LHB: variants seen among roughly 807,000 people sequenced by gnomAD.
LHB encodes the protein lutropin subunit beta.
A neutral mutation model predicts 10.6 loss-of-function variants in LHB; 11 were observed. That is an observed-to-expected ratio of 1.04 (90% CI 0.66 to 1.72). LHB has a LOEUF of 1.72. Among genes scored for constraint, LHB ranks in the 40% most tolerant of loss-of-function variants. The pLI is 0.00. For synonymous variants in LHB, 86 were observed against 83.1 expected (o/e 1.03, Z -0.19); for missense variants, 184 against 197.3 (o/e 0.93, Z 0.41).
At chr19:49,019,154 G>A, upstream of LHB, 1 of 1,407,824 alleles carries the variant, frequency 7.1e-7, no homozygotes, top group Middle Eastern at 2.6e-4. Flanking sequence ...AGCCCTTCCT[G>A]CCACCCACGC....
upstream of LHB, chr19:49,018,260 C>T (rs570556150): frequency 6.1e-6 from 6 of 982,220 alleles, no homozygotes; most frequent in African/African-American, 6.7e-5. Context: ...CCGCTGCGGG[C>T]CGTGGCTCCA....
At position 49,016,625 on chromosome 19, in the gene LHB, G is replaced by A. The variant is rs776412202; in HGVS notation, c.105C>T (p.Ile35=). 3.1e-6 allele frequency: 5 copies of A among 1,611,978 alleles called. No individual in the cohort carries two copies. Among genetic ancestry groups the A allele is most frequent in the Non-Finnish European group, 4.2e-6 (5 of 1,179,780 alleles). Residue 35 remains isoleucine, a synonymous_variant, in exon 2 of 3, where the codon ATC becomes ATT. Coordinates refer to ENST00000649238, the MANE Select transcript of LHB (RefSeq NM_000894.3). ...LRPWCHPINA[I]LAVEKEGCPV... is the part of the protein sequence containing the mutation. ...GGCAGCCCTCCTTCTCGACAGCCAG[G>A]ATGGCATTGATGGGGTGGCACCATG...
chr19:49,017,461 C>G, upstream of LHB: 1 of 1,144,408 alleles, frequency 8.7e-7, no homozygotes, highest in Non-Finnish European at 1.1e-6. Flanking sequence ...AGCCTCAACC[C>G]TCCACTTGAG....
chr19:49,016,911 A>T, intron 1 of LHB, 156 bp downstream of exon 1: 1 of 1,598,550 alleles, frequency 6.3e-7, no homozygotes, highest in South Asian at 1.1e-5. Flanking sequence ...AACATTTCAG[A>T]TCCCCACCCT....
In LHB at chr19:49,016,810, G is replaced by T. The variant is rs777377980; in HGVS notation, c.16-96C>A. ...GGTACACCACCCACAAAGACCCAGA[G>T]ACCCTTCCCGGCATCTCCTATTCAG... On this transcript the variant is annotated intron_variant, in intron 1 of 2. Transcript: ENST00000649238. 234 of 1,595,058 alleles carry T rather than the reference G, an allele frequency of 1.5e-4. 2 individuals are homozygous for T. The Middle Eastern group carries it at 6.1e-3, about 42-fold the overall frequency.
chr19:49,016,750 C>G (rs1429497800), intron 1 of LHB, 36 bp from the exon 2 acceptor site: 3 of 1,606,994 alleles, frequency 1.9e-6, no homozygotes, highest in African/African-American at 1.3e-5. Flanking sequence ...AGGTCTGAGA[C>G]CGCAGCCCCG....
upstream of LHB, chr19:49,019,128 C>A (rs2122685353): frequency 2.1e-6 from 3 of 1,429,582 alleles, no homozygotes; most frequent in Admixed American, 5.6e-5. Context: ...GCCCTCACAC[C>A]CCGCCCCAGG....
chr19:49,016,864 G>A, intron 1 of LHB, 150 bp from the exon 2 acceptor site: 7 of 1,572,984 alleles, frequency 4.5e-6, no homozygotes, highest in Non-Finnish European at 6.0e-6. Flanking sequence ...CTGCCTTTCA[G>A]AGCCCACCCC....
chr19:49,016,369 C>T (rs2039553097), intron 2 of LHB, 59 bp from the exon 3 acceptor site: 1 of 1,603,694 alleles, frequency 6.2e-7, no homozygotes, highest in African/African-American at 1.3e-5. Flanking sequence ...CTCAGCTGAG[C>T]TCCCAAGCTG....
Position 49,016,237 on chromosome 19 carries a change from G to A in LHB, c.257C>T (p.Ser86Phe), listed in dbSNP as rs780038003. Residue 86 changes from serine to phenylalanine, a missense_variant, in exon 3 of 3, where the codon TCC becomes TTC. Coordinates refer to ENST00000649238, the MANE Select transcript of LHB (RefSeq NM_000894.3). The part of the protein sequence containing the change: ...VCTYRDVRFE[S>F]IRLPGCPRGV... ...ACGCGGGCAGCCAGGGAGCCGGATG[G>A]ACTCGAAGCGCACATCACGGTAGGT... 2.5e-6 allele frequency: 4 copies of A among 1,612,344 alleles called. No homozygotes were observed. In the East Asian group the frequency reaches 8.9e-5, roughly 36 times the overall value.
upstream of LHB, chr19:49,019,111 G>A (rs2039598978): frequency 2.1e-6 from 3 of 1,434,840 alleles, no homozygotes; most frequent in Non-Finnish European, 9.1e-7. Context: ...CAGCCATGAC[G>A]GCCACGGCCC....
chr19:49,018,356 G>A, upstream of LHB: 1 of 1,216,856 alleles, frequency 8.2e-7, no homozygotes, highest in Non-Finnish European at 1.0e-6. Flanking sequence ...GGAGCAGGGC[G>A]GGATGGTGAG....
At chr19:49,019,296 C>CTG (rs1199350124), upstream of LHB, 5 of 1,210,712 alleles carry the variant, frequency 4.1e-6, no homozygotes, top group South Asian at 2.3e-5. Flanking sequence ...CCTGGTTCCG[C>CTG]TCTGTCTTAA....
upstream of LHB, chr19:49,019,273 CA>C: frequency 1.2e-5 from 15 of 1,265,340 alleles, no homozygotes; most frequent in South Asian, 6.7e-5. Flanking sequence ...CCCCAGCCAC[CA>C]AAAACAACCT....
chr19:49,016,884 A>T, intron 1 of LHB, 170 bp from the exon 2 acceptor site: 17 of 1,581,954 alleles, frequency 1.1e-5, no homozygotes, highest in Non-Finnish European at 1.5e-5. Flanking sequence ...CACAGCCCAG[A>T]GGACCTGAGA....
intron 2 of LHB, 70 bp from the exon 3 acceptor site, chr19:49,016,380 A>C (rs2039553382): frequency 5.6e-6 from 9 of 1,602,576 alleles, no homozygotes; most frequent in African/African-American, 1.3e-5. Context: ...TCCCAAGCTG[A>C]CCCCACAGGT....
chr19:49,016,616 G>T lies in LHB; in HGVS notation c.114C>A (p.Val38=), dbSNP rs6521. The stretch of plus-strand genomic sequence containing the variant: ...TGCACACTGGGCAGCCCTCCTTCTC[G>T]ACAGCCAGGATGGCATTGATGGGGT... ...WCHPINAILA[V]EKEGCPVCIT... is the part of the protein sequence containing the mutation. Residue 38 remains valine, a synonymous_variant, in exon 2 of 3, where the codon GTC becomes GTA. Coordinates refer to ENST00000649238, the MANE Select transcript of LHB (RefSeq NM_000894.3). 1 of 1,609,678 alleles carries T rather than the reference G, an allele frequency of 6.2e-7. No homozygotes were observed.
chr19:49,018,186 G>T (rs1375281381), upstream of LHB: 10 of 431,978 alleles, frequency 2.3e-5, no homozygotes, highest in African/African-American at 2.0e-4. Context: ...GAGGTCACCG[G>T]GCTGACGCGC....
upstream of LHB, chr19:49,018,332 A>G (rs979659399): frequency 2.0e-5 from 24 of 1,218,466 alleles, no homozygotes; most frequent in Admixed American, 3.4e-4. Context: ...GTATCCGGAC[A>G]GCTCCGTCCT....
Sources: allele counts gnomAD v4.1 joint callset, GRCh38; gene constraint gnomAD v4.1.1; transcripts MANE v1.5; gene names NCBI Gene and HGNC (gene_info 2026-07-23, HGNC 2026-07-21).